The following IL12RB2 variants were observed in gnomAD, a reference collection of about 807,000 sequenced individuals.
IL12RB2 encodes the protein interleukin 12 receptor subunit beta 2, also known as interleukin-12 receptor subunit beta-2.
Under a neutral mutation model 89.4 loss-of-function variants are expected in IL12RB2, and 82 were observed. The observed-to-expected ratio is 0.92, with a 90% CI of 0.77 to 1.10. The LOEUF is 1.10. IL12RB2 is among the 50% of genes least tolerant of loss of function. The pLI is 0.00. For missense variants in IL12RB2, 963 were observed against 1,031.9 expected (o/e 0.93, Z 0.92); for synonymous variants, 368 against 370.1 (o/e 0.99, Z 0.07).
At chr1:67,365,138 C>A (rs893042034) in intron 10 of IL12RB2, among the ~76,000 whole-genome samples, 1 of 152,044 alleles carries the variant, frequency 6.6e-6, no homozygotes, top group African/African-American at 2.4e-5. Context: ...TTATGGAATG[C>A]AGCAAAATCA....
intron 16 of IL12RB2, among the ~76,000 whole-genome samples, chr1:67,391,599 AC>A (rs1665834739): frequency 6.6e-6 from 1 of 150,602 alleles, no homozygotes; most frequent in South Asian, 2.1e-4. Context: ...ACATTTTCAT[AC>A]GTTAACATTT....
chr1:67,382,090 C>T (rs186365688), intron 14 of IL12RB2, among the ~76,000 whole-genome samples: 168 of 152,302 alleles, frequency 1.1e-3, no homozygotes, highest in African/African-American at 3.9e-3. Flanking sequence ...GCTGAAGAAA[C>T]GTGAGATTTG....
intron 13 of IL12RB2, among the ~76,000 whole-genome samples, chr1:67,373,097 T>C (rs990050730): frequency 6.6e-6 from 1 of 152,136 alleles, no homozygotes. Flanking sequence ...TAAAGTCACT[T>C]CAGTACTGTA....
Position 67,321,828 on chromosome 1 carries a change from C to T in IL12RB2, c.303C>T (p.Cys101=). 1 of 1,613,390 alleles carries T rather than the reference C, an allele frequency of 6.2e-7. No homozygotes were observed. Among genetic ancestry groups the T allele is most frequent in the Non-Finnish European group, 8.5e-7 (1 of 1,179,352 alleles). ...GLPLGTTLFV[C]KLACINSDEI... ...CCCTTGGTACAACCTTGTTTGTCTG[C>T]AAACTGGCCTGTATCAATAGTGATG... The change falls in exon 4 of 17, where the codon TGC becomes TGT. Residue 101 remains cysteine (C), a synonymous_variant. Transcript: ENST00000674203.
At position 67,320,262 on chromosome 1, in the gene IL12RB2, C is replaced by G; in HGVS notation, c.-36-71C>G. 8 of 1,602,834 alleles carry G rather than the reference C, an allele frequency of 5.0e-6. No individual in the cohort carries two copies. In the South Asian group the frequency reaches 8.9e-5, roughly 18 times the overall value. The stretch of plus-strand genomic sequence containing the variant: ...GAAAAATAAAGCGGCACTTGAAGCT[C>G]TTCTGAGCTATTTTGGCTCTGGTAT... On this transcript the variant is annotated intron_variant, in intron 2 of 16. Transcript: ENST00000674203.
chr1:67,327,844 G>A (rs959318138), intron 5 of IL12RB2, among the ~76,000 whole-genome samples: 2 of 152,210 alleles, frequency 1.3e-5, no homozygotes, highest in Non-Finnish European at 2.9e-5. Context: ...ACTAGGAACT[G>A]ACAATTCTGT....
chr1:67,394,824 A>G (rs1020880961), intron 16 of IL12RB2, among the ~76,000 whole-genome samples: 2 of 152,202 alleles, frequency 1.3e-5, no homozygotes, highest in Admixed American at 6.5e-5. Context: ...CTCAGGACTC[A>G]GCTCAGCTCT....
In IL12RB2 at chr1:67,380,109, A is replaced by C. The variant is rs1233777291; in HGVS notation, c.1841A>C (p.Glu614Ala). ...GAAAGTTCCCACGGAAATGAGAGGGAATTTTGTCTGCAAGGTGAGAGGCAG... is the reference window on the plus strand; with the variant it reads ...GAAAGTTCCCACGGAAATGAGAGGGCATTTTGTCTGCAAGGTGAGAGGCAG... ...AGESSHGNER[E>A]FCLQGKANWM... The change falls in exon 14 of 17, where the codon GAA becomes GCA. Residue 614 changes from glutamate (E) to alanine (A), a missense_variant. Coordinates refer to ENST00000674203, the MANE Select transcript of IL12RB2 (RefSeq NM_001374259.2). 1 of 1,614,032 alleles carries C rather than the reference A, an allele frequency of 6.2e-7. No individual in the cohort carries two copies. The highest frequency in any genetic ancestry group is 2.2e-5 in the East Asian group (1 of 44,894).
At chr1:67,353,016 A>G (rs1017203371) in intron 10 of IL12RB2, among the ~76,000 whole-genome samples, 1 of 152,234 alleles carries the variant, frequency 6.6e-6, no homozygotes, top group African/African-American at 2.4e-5. Context: ...TATACTCAGC[A>G]TATCATAGGA....
At chr1:67,325,324 A>G (rs1657142164) in intron 4 of IL12RB2, among the ~76,000 whole-genome samples, 1 of 152,216 alleles carries the variant, frequency 6.6e-6, no homozygotes. Flanking sequence ...GTGCACTGGC[A>G]CAATCTCAGC....
Position 67,374,755 on chromosome 1 carries a change from C to T in IL12RB2, c.1717+1972C>T, listed in dbSNP as rs868681902. The stretch of plus-strand genomic sequence containing the variant: ...CCTCTCACAGTGCTGAGATTACAGG[C>T]GTGAGCCACCCAGCCCAGCCTCTTT... On this transcript the variant is annotated intron_variant, in intron 13 of 16. Coordinates refer to ENST00000674203, the MANE Select transcript of IL12RB2 (RefSeq NM_001374259.2). Among the ~76,000 whole-genome samples, 115 of 132,170 alleles carry T rather than the reference C, an allele frequency of 8.7e-4. No homozygotes were observed. In the Middle Eastern group the frequency reaches 0.013, roughly 15 times the overall value. 86.7% of individuals were successfully genotyped at this position (132,170 alleles called of 152,430 possible).
intron 9 of IL12RB2, among the ~76,000 whole-genome samples, chr1:67,341,555 G>GAA (rs1558318178): frequency 4.0e-4 from 5 of 12,432 alleles, no homozygotes; most frequent in Non-Finnish European, 1.4e-3. Context: ...AAGAAAGAAA[G>GAA]AAAGAAAGAA....
chr1:67,362,812 AG>A (rs1416657447), intron 10 of IL12RB2, among the ~76,000 whole-genome samples: 2 of 152,160 alleles, frequency 1.3e-5, no homozygotes, highest in African/African-American at 2.4e-5. Context: ...TTCAGAGAGA[AG>A]GAAAATGAGA....
At chr1:67,356,247 C>T (rs1470707931) in intron 10 of IL12RB2, among the ~76,000 whole-genome samples, 1 of 152,182 alleles carries the variant, frequency 6.6e-6, no homozygotes, top group Non-Finnish European at 1.5e-5. Flanking sequence ...TGGCTGAGTT[C>T]CCCCTCTGGG....
intron 14 of IL12RB2, among the ~76,000 whole-genome samples, chr1:67,381,608 A>T (rs1234359140): frequency 3.3e-5 from 5 of 152,000 alleles, no homozygotes; most frequent in African/African-American, 1.2e-4. Flanking sequence ...CTAAAAAAAT[A>T]CAAAAAAATT....
At chr1:67,326,162 T>C (rs932622252) in intron 4 of IL12RB2, among the ~76,000 whole-genome samples, 1 of 152,208 alleles carries the variant, frequency 6.6e-6, no homozygotes, top group African/African-American at 2.4e-5. Context: ...GGTGTAAGTG[T>C]CTTGACAGCA....
At chr1:67,374,538 C>T (rs1382978052) in intron 13 of IL12RB2, among the ~76,000 whole-genome samples, 4 of 150,590 alleles carry the variant, frequency 2.7e-5, no homozygotes, top group African/African-American at 7.3e-5. Flanking sequence ...TGCAATGGCA[C>T]GATCTCAGCT....
chr1:67,372,078 C>CTGTGTGTG (rs10674846), intron 11 of IL12RB2, among the ~76,000 whole-genome samples: 30 of 143,974 alleles, frequency 2.1e-4, no homozygotes, highest in Non-Finnish European at 3.4e-4. Flanking sequence ...GTGTGTGTGT[C>CTGTGTGTG]TGTGTGTGTG....
intron 10 of IL12RB2, among the ~76,000 whole-genome samples, chr1:67,360,790 C>T (rs939549567): frequency 4.1e-5 from 6 of 145,248 alleles, no homozygotes; most frequent in South Asian, 4.4e-4. Context: ...AGGAAAACTC[C>T]GTCTCAAAAA....
Sources: gnomAD v4.1 joint callset for allele counts (sites outside exome capture counted in the v4.1 genomes callset) on GRCh38, gnomAD v4.1.1 for gene constraint, MANE v1.5 for transcripts, NCBI Gene and HGNC (gene_info 2026-07-23, HGNC 2026-07-21) for gene names.